Variants in GTSE1 observed in about 807,000 individuals in gnomAD.
GTSE1 encodes the protein G2 and S-phase expressed 1.
Under a neutral mutation model 60.5 loss-of-function variants are expected in GTSE1, and 52 were observed. The observed-to-expected ratio is 0.86, with a 90% CI of 0.69 to 1.08. The LOEUF is 1.08. Ranked by LOEUF, GTSE1 falls within the 50% of genes least tolerant of loss-of-function variation. The probability of loss-of-function intolerance (pLI) is 0.00; values close to 1 mark genes in which losing one functional copy is unlikely to be tolerated. For missense variants in GTSE1, 937 were observed against 961.8 expected (o/e 0.97, Z 0.34); for synonymous variants, 368 against 386.5 (o/e 0.95, Z 0.56).
intron 3 of GTSE1, 53 bp from the exon 4 acceptor site, chr22:46,308,265 TC>T (rs1306275139): frequency 3.5e-5 from 56 of 1,605,504 alleles, no homozygotes; most frequent in Middle Eastern, 1.7e-4. Flanking sequence ...GTAAAGTCTT[TC>T]CTTTAAATGC....
At chr22:46,323,369 T>C in intron 8 of GTSE1, 107 bp downstream of exon 8, 1 of 838,018 alleles carries the variant, frequency 1.2e-6, no homozygotes, top group Non-Finnish European at 2.0e-6. Flanking sequence ...GCATCTGGCT[T>C]CCACGCCAGT....
At chr22:46,303,480 AT>A (rs1281892605) in intron 2 of GTSE1, among the ~76,000 whole-genome samples, 1 of 152,068 alleles carries the variant, frequency 6.6e-6, no homozygotes, top group African/African-American at 2.4e-5. Context: ...CGTGTCTATA[AT>A]CATGGCATCT....
intron 4 of GTSE1, 78 bp from the exon 5 acceptor site, chr22:46,312,063 G>A (rs952694571): frequency 1.7e-5 from 21 of 1,247,834 alleles, no homozygotes; most frequent in Admixed American, 2.1e-5. Flanking sequence ...GCCTAGGCTC[G>A]CTCTGAATGG....
rs1569036833 is a variant in GTSE1 at position 46,304,291 on chromosome 22, A to C, written c.80-3859A>C. Among the ~76,000 whole-genome samples the C allele has an allele frequency of 6.6e-6, 1 of 152,042 alleles. No homozygotes were observed. Among genetic ancestry groups the C allele is most frequent in the Non-Finnish European group, 1.5e-5 (1 of 68,012 alleles). ...AGGCACAGGCCACCATACCTGGCCT[A>C]CCTTTGTTGTTTTAAGGGTTGTTAC... On this transcript the variant is annotated intron_variant, in intron 2 of 11. Coordinates refer to ENST00000454366, the MANE Select transcript of GTSE1 (RefSeq NM_016426.7). The surrounding 1 kb of genome is among the most constrained non-coding windows in gnomAD (Gnocchi z 4.4).
Position 46,330,235 on chromosome 22 carries a change from A to C in GTSE1, c.*105A>C, listed in dbSNP as rs1044063020. On this transcript the variant is annotated 3_prime_UTR_variant, in exon 12 of 12. Coordinates refer to ENST00000454366, the MANE Select transcript of GTSE1 (RefSeq NM_016426.7). The surrounding 1 kb of genome is among the most constrained non-coding windows in gnomAD (Gnocchi z 6.0). ...AGTGGCTTACACTTGTAACCCTAGA[A>C]CTTGGGAGGCTGAGGTGGGCGGATT... 1.4e-6 allele frequency: 1 copy of C among 715,826 alleles called. No individual in the cohort carries two copies. Among genetic ancestry groups the C allele is most frequent in the African/African-American group, 1.7e-5 (1 of 57,662 alleles). The allele number at this position is 715,826 out of a possible 1,614,324, so 44.3% of individuals were successfully genotyped here. A position where few individuals can be genotyped will look rare whatever the true frequency, so the allele number is the denominator to read the frequency against.
At position 46,319,292 on chromosome 22, in the gene GTSE1, G is replaced by A. The variant is rs1241820129; in HGVS notation, c.1432+2880G>A. Among the ~76,000 whole-genome samples, 1 of 152,150 alleles carries A rather than the reference G, an allele frequency of 6.6e-6. No individual in the cohort carries two copies. The highest frequency in any genetic ancestry group is 1.5e-5 in the Non-Finnish European group (1 of 68,028). On this transcript the variant is annotated intron_variant, in intron 7 of 11. Coordinates refer to ENST00000454366, the MANE Select transcript of GTSE1 (RefSeq NM_016426.7). This position sits in a 1 kb window ranked among gnomAD's most constrained non-coding sequence, Gnocchi z 5.0. ...AGCAGAGCGACTTGACCTTCAGAAG[G>A]TCCCTCCACAGAGGGAAGAGCAGAG...
Position 46,329,098 on chromosome 22 carries a change from T to C in GTSE1, c.1926+209T>C. On this transcript the variant is annotated intron_variant, in intron 10 of 11. Transcript: ENST00000454366. This position sits in a 1 kb window ranked among gnomAD's most constrained non-coding sequence, Gnocchi z 6.4. ...GCCCTGCATTTGACTAAGGCAAGGG[T>C]CAGGGATCAAAGCTGAGGAAGCGGG... 2 of 620,566 alleles carry C rather than the reference T, an allele frequency of 3.2e-6. No individual in the cohort carries two copies. The highest frequency in any genetic ancestry group is 5.7e-6 in the Non-Finnish European group (2 of 352,026). The allele number at this position is 620,566 out of a possible 1,614,324, so 38.4% of individuals were successfully genotyped here. A position where few individuals can be genotyped will look rare whatever the true frequency, so the allele number is the denominator to read the frequency against.
At chr22:46,322,396 T>A (rs989123212) in intron 7 of GTSE1, among the ~76,000 whole-genome samples, 1 of 152,166 alleles carries the variant, frequency 6.6e-6, no homozygotes, top group African/African-American at 2.4e-5. Context: ...CAGCCTCTTT[T>A]CCCATGGCTT....
Position 46,312,230 on chromosome 22 carries a change from C to A in GTSE1, c.852C>A (p.Ala284=). Residue 284 remains alanine (A), a synonymous_variant, in exon 5 of 12, where the codon GCC becomes GCA. Coordinates refer to ENST00000454366, the MANE Select transcript of GTSE1 (RefSeq NM_016426.7). ...SHRDVLPDKP[A]PGAVNVPAAG... The stretch of plus-strand genomic sequence containing the variant: ...GGGATGTTCTCCCTGACAAACCTGC[C>A]CCGGGTGCTGTCAATGTGCCGGCCG... The A allele has an allele frequency of 6.2e-7, 1 of 1,614,176 alleles. No individual in the cohort carries two copies. The highest frequency in any genetic ancestry group is 8.5e-7 in the Non-Finnish European group (1 of 1,180,020).
At position 46,316,510 on chromosome 22, in the gene GTSE1, G is replaced by A. The variant is rs1446402186; in HGVS notation, c.1432+98G>A. On this transcript the variant is annotated intron_variant, in intron 7 of 11. Transcript: ENST00000454366. This position sits in a 1 kb window ranked among gnomAD's most constrained non-coding sequence, Gnocchi z 5.0. Reference sequence around the variant, plus strand: ...ATTGATGGCATTGATGGTGTTTTTAGTTCTTTCCTCCAACAGTGCTTTCAG... The same window carrying A: ...ATTGATGGCATTGATGGTGTTTTTAATTCTTTCCTCCAACAGTGCTTTCAG... 2 of 906,426 alleles carry A rather than the reference G, an allele frequency of 2.2e-6. No individual in the cohort carries two copies. Among genetic ancestry groups the A allele is most frequent in the Non-Finnish European group, 3.4e-6 (2 of 587,730 alleles). 56.1% of individuals were successfully genotyped at this position (906,426 alleles called of 1,614,324 possible). A position where few individuals can be genotyped will look rare whatever the true frequency, so the allele number is the denominator to read the frequency against.
chr22:46,308,061 C>T (rs2077725245), intron 2 of GTSE1, 89 bp from the exon 3 acceptor site: 1 of 890,914 alleles, frequency 1.1e-6, no homozygotes, highest in Non-Finnish European at 1.9e-6. Flanking sequence ...TTCACAGTAC[C>T]TTTATTTAAT....
intron 9 of GTSE1, 120 bp downstream of exon 9, chr22:46,326,774 T>G: frequency 1.6e-6 from 1 of 639,748 alleles, no homozygotes; most frequent in South Asian, 2.4e-5. Flanking sequence ...ATTTGGAAAG[T>G]TTGTTTGTTT....
chr22:46,301,609 T>C (rs1005070121), intron 2 of GTSE1, among the ~76,000 whole-genome samples: 1 of 151,202 alleles, frequency 6.6e-6, no homozygotes, highest in African/African-American at 2.4e-5. Flanking sequence ...TGCCTCAGCC[T>C]CCCAAGTAGC....
At chr22:46,325,520 G>C (rs1314708872) in intron 8 of GTSE1, among the ~76,000 whole-genome samples, 6 of 152,162 alleles carry the variant, frequency 3.9e-5, no homozygotes, top group Non-Finnish European at 2.9e-5. Flanking sequence ...TTTTGAGACA[G>C]GGTCTTGCTC....
At chr22:46,328,989 C>A in intron 10 of GTSE1, 100 bp downstream of exon 10, 1 of 959,308 alleles carries the variant, frequency 1.0e-6, no homozygotes. Context: ...GAGTTCCCTG[C>A]CATGCTTCAT....
Position 46,319,971 on chromosome 22 carries a change from C to T in GTSE1, c.1433-3219C>T, listed in dbSNP as rs190066300. Among the ~76,000 whole-genome samples the T allele has an allele frequency of 1.0e-4, 15 of 145,842 alleles. No individual in the cohort carries two copies. The highest frequency in any genetic ancestry group is 2.1e-4 in the South Asian group (1 of 4,680). On this transcript the variant is annotated intron_variant, in intron 7 of 11. Transcript: ENST00000454366. The surrounding 1 kb of genome is among the most constrained non-coding windows in gnomAD (Gnocchi z 5.0). Reference sequence around the variant, plus strand: ...CTGCACTCCAGCCTGGGCGACAGAACGAGACTGTCTCAAAAAAAAAAAAAA... The same window carrying T: ...CTGCACTCCAGCCTGGGCGACAGAATGAGACTGTCTCAAAAAAAAAAAAAA...
rs767747754 is a variant in GTSE1, at chr22:46,319,019, C to G, written c.1432+2607C>G. Among the ~76,000 whole-genome samples the G allele has an allele frequency of 6.6e-6, 1 of 152,148 alleles. No homozygotes were observed. The highest frequency in any genetic ancestry group is 1.5e-5 in the Non-Finnish European group (1 of 68,020). On this transcript the variant is annotated intron_variant, in intron 7 of 11. Transcript: ENST00000454366. This position sits in a 1 kb window ranked among gnomAD's most constrained non-coding sequence, Gnocchi z 5.0. ...GACTCCGTTTGTGTCCCATTGAGTA[C>G]GACGCTTCCCTGCACAGGATGCTAG... is the stretch of plus-strand genomic sequence containing the variant.
In GTSE1 at chr22:46,319,778, G is replaced by A. The variant is rs527760878; in HGVS notation, c.1432+3366G>A. ...AGGTGAGCAGATCACCTGAGGTCAG[G>A]AGTTCGAGAGCAGCCTGGTCAACAT... On this transcript the variant is annotated intron_variant, in intron 7 of 11. Transcript: ENST00000454366. This position sits in a 1 kb window ranked among gnomAD's most constrained non-coding sequence, Gnocchi z 5.0. Among the ~76,000 whole-genome samples the A allele has an allele frequency of 2.8e-4, 42 of 152,212 alleles. No individual in the cohort carries two copies. The highest frequency in any genetic ancestry group is 4.8e-4 in the African/African-American group (20 of 41,530).
chr22:46,302,665 C>G (rs962259156), intron 2 of GTSE1, among the ~76,000 whole-genome samples: 1 of 151,422 alleles, frequency 6.6e-6, no homozygotes, highest in Non-Finnish European at 1.5e-5. Context: ...CCCAGCCGAC[C>G]AATCTTTGGT....
Sources: allele counts gnomAD v4.1 joint callset (sites outside exome capture counted in the v4.1 genomes callset), GRCh38; gene constraint gnomAD v4.1.1; non-coding constraint Gnocchi (gnomAD v3.1); transcripts MANE v1.5; gene names NCBI Gene and HGNC (gene_info 2026-07-23, HGNC 2026-07-21).